Variants in USP37 observed in about 807,000 individuals in gnomAD.
USP37 encodes ubiquitin specific peptidase 37, also known as ubiquitin carboxyl-terminal hydrolase 37.
Under a neutral mutation model 124.0 loss-of-function variants are expected in USP37, and 27 were observed. The ratio of observed to expected loss-of-function variants is 0.22; its 90% CI spans 0.16 to 0.30. The LOEUF (loss-of-function observed/expected upper bound fraction) is 0.30. Ranked by LOEUF, USP37 falls within the 10% of genes least tolerant of loss-of-function variation. The pLI, the probability that USP37 is intolerant of heterozygous loss-of-function variation, is 1.00. For synonymous variants in USP37, 365 were observed against 388.0 expected, an observed-to-expected ratio of 0.94 and a Z score of 0.70; for missense variants, 889 against 1,140.4, an observed-to-expected ratio of 0.78 and a Z score of 3.17.
chr2:218,463,269 T>C (rs1690125656), intron 22 of USP37, 37 bp downstream of exon 22: 1 of 1,585,190 alleles, frequency 6.3e-7, no homozygotes, highest in Non-Finnish European at 8.7e-7. Context: ...ATGGTAATTT[T>C]ACCATTAAAA....
chr2:218,488,272 A>C (rs1691701951), intron 15 of USP37, 32 bp downstream of exon 15: 1 of 1,380,108 alleles, frequency 7.2e-7, no homozygotes. Flanking sequence ...TATAAAATTT[A>C]GTTATGTGAA....
chr2:218,511,775 G>A (rs1281738966), intron 10 of USP37, among the ~76,000 whole-genome samples: 1 of 141,502 alleles, frequency 7.1e-6, no homozygotes, highest in Non-Finnish European at 1.5e-5. Flanking sequence ...TTTTTATACT[G>A]GGAAATTTAT....
At chr2:218,550,575 C>T (rs766552136) in intron 5 of USP37, among the ~76,000 whole-genome samples, 14 of 146,752 alleles carry the variant, frequency 9.5e-5, no homozygotes, top group Middle Eastern at 3.5e-3. Context: ...AATTACTGAG[C>T]GAACATACAA....
At chr2:218,545,742 T>C (rs993586926) in intron 8 of USP37, among the ~76,000 whole-genome samples, 1 of 152,152 alleles carries the variant, frequency 6.6e-6, no homozygotes, top group African/African-American at 2.4e-5. Context: ...CACCCTGGGT[T>C]GATCTATTCC....
intron 1 of USP37, among the ~76,000 whole-genome samples, chr2:218,564,877 C>T (rs1693502213): frequency 1.3e-5 from 2 of 152,146 alleles, no homozygotes; most frequent in Middle Eastern, 3.2e-3. Context: ...TATTTTTCAA[C>T]ACGAATCCTG....
chr2:218,508,843 G>A lies in USP37; in HGVS notation c.1025+1136C>T, dbSNP rs183050824. Among the ~76,000 whole-genome samples, 43 of 152,218 alleles carry A rather than the reference G, an allele frequency of 2.8e-4. No homozygotes were observed. In the East Asian group the frequency reaches 6.4e-3, roughly 23 times the overall value. On this transcript the variant is annotated intron_variant, in intron 11 of 25. Transcript: ENST00000258399. ...ATATATGAAGCATATAAACTACTAC[G>A]GATAAGCCATTTGGCAAATACCACT...
In USP37 at chr2:218,451,973, A is replaced by C. The variant is rs1413263899; in HGVS notation, c.*2957T>G. 6.6e-6 allele frequency: 1 copy of C among 152,644 alleles called. No individual in the cohort carries two copies. Among genetic ancestry groups the C allele is most frequent in the African/African-American group, 2.4e-5 (1 of 41,456 alleles). 9.5% of individuals were successfully genotyped at this position (152,644 alleles called of 1,614,324 possible). On this transcript the variant is annotated 3_prime_UTR_variant, in exon 26 of 26. Transcript: ENST00000258399. ...CTCATGAGTGTGCACACACATGTGA[A>C]TATATCCCTACGAAACAGTCTATCT...
rs772889499 is a variant in USP37 at position 218,560,874 on chromosome 2, T to C, written c.-79A>G. 2.6e-5 allele frequency: 4 copies of C among 152,196 alleles called. No homozygotes were observed. Among genetic ancestry groups the C allele is most frequent in the African/African-American group, 9.7e-5 (4 of 41,446 alleles). 9.4% of individuals were successfully genotyped at this position (152,196 alleles called of 1,614,324 possible). On this transcript the variant is annotated 5_prime_UTR_variant, in exon 3 of 26. Coordinates refer to ENST00000258399, the MANE Select transcript of USP37 (RefSeq NM_020935.3). ...TAGTTGGAGGTCTCTGGTTACTGTATGGCAAATAACTGAAGATAAAAGAAG... is the reference window on the plus strand; with the variant it reads ...TAGTTGGAGGTCTCTGGTTACTGTACGGCAAATAACTGAAGATAAAAGAAG...
At chr2:218,464,345 CT>C (rs1690194535) in intron 21 of USP37, among the ~76,000 whole-genome samples, 1 of 151,722 alleles carries the variant, frequency 6.6e-6, no homozygotes, top group Admixed American at 6.6e-5. Context: ...TCAAGCAATT[CT>C]TGTGCCTCAG....
At chr2:218,566,022 T>G in intron 1 of USP37, among the ~76,000 whole-genome samples, 1 of 152,090 alleles carries the variant, frequency 6.6e-6, no homozygotes, top group East Asian at 1.9e-4. Context: ...GTACTCCAGC[T>G]TAGGCAACAG....
In USP37 at chr2:218,510,007, A is replaced by C. The variant is rs775232818; in HGVS notation, c.997T>G (p.Ser333Ala). The C allele has an allele frequency of 1.9e-6, 3 of 1,588,432 alleles. No homozygotes were observed. Among genetic ancestry groups the C allele is most frequent in the Non-Finnish European group, 8.6e-7 (1 of 1,162,848 alleles). Reference sequence around the variant, plus strand: ...TGCAGTTGCTGCTGTTGGTGAGAGGAAAGGGGCACTCTTGGTTTATTCCAG... The same window carrying C: ...TGCAGTTGCTGCTGTTGGTGAGAGGCAAGGGGCACTCTTGGTTTATTCCAG... ...TGWNKPRVPL[S>A]SHQQQQLQGF... Residue 333 changes from serine to alanine, a missense_variant, in exon 11 of 26, where the codon TCC becomes GCC. Ser to Ala is a moderately conservative substitution (Grantham distance 99, BLOSUM62 1). Coordinates refer to ENST00000258399, the MANE Select transcript of USP37 (RefSeq NM_020935.3).
At chr2:218,490,748 C>G (rs1187892567) in intron 14 of USP37, among the ~76,000 whole-genome samples, 1 of 152,180 alleles carries the variant, frequency 6.6e-6, no homozygotes, top group Non-Finnish European at 1.5e-5. Context: ...GATGAGCTGT[C>G]ACGCCTATGA....
chr2:218,465,521 T>C (rs1011673283), intron 21 of USP37, among the ~76,000 whole-genome samples: 2 of 152,214 alleles, frequency 1.3e-5, no homozygotes, highest in East Asian at 3.8e-4. Context: ...ATTATAGTTA[T>C]GAAAGGTAAC....
At chr2:218,560,605 G>A (rs1012994065) in intron 3 of USP37, among the ~76,000 whole-genome samples, 6 of 152,168 alleles carry the variant, frequency 3.9e-5, no homozygotes, top group African/African-American at 1.4e-4. Context: ...GGGGCTAGCA[G>A]GTGACAGAAA....
chr2:218,481,321 C>T (rs1308091243), intron 17 of USP37, among the ~76,000 whole-genome samples: 1 of 152,176 alleles, frequency 6.6e-6, no homozygotes, highest in Non-Finnish European at 1.5e-5. Context: ...GGGTTTCTCA[C>T]ATCTGCATGT....
At position 218,466,032 on chromosome 2, in the gene USP37, A is replaced by G; in HGVS notation, c.2444T>C (p.Leu815Pro). 2 of 1,611,648 alleles carry G rather than the reference A, an allele frequency of 1.2e-6. No homozygotes were observed. The highest frequency in any genetic ancestry group is 1.7e-6 in the Non-Finnish European group (2 of 1,179,560). Residue 815 changes from leucine (L) to proline (P), a missense_variant, in exon 21 of 26, where the codon CTG (leucine) becomes CCG (proline). Leu to Pro is a moderately conservative substitution (Grantham distance 98). Around this residue, in one of 3 missense-constraint regions of USP37, gnomAD observed 504 missense variants for 714.3 expected, o/e 0.71. Transcript: ENST00000258399. ...EREEQELQQA[L>P]AQSLQEQEAW... ...TACTTGCTCTTGAAGGCTCTGAGCC[A>G]GTGCCTGCTGAAGCTCTTGCTCTTC...
chr2:218,459,226 A>G (rs1405826140), intron 23 of USP37, among the ~76,000 whole-genome samples: 4 of 151,700 alleles, frequency 2.6e-5, no homozygotes, highest in Admixed American at 2.6e-4. Flanking sequence ...CCCGAGATGG[A>G]GTTTCGCTCT....
chr2:218,493,800 T>C (rs1688925799), intron 14 of USP37, among the ~76,000 whole-genome samples: 1 of 152,148 alleles, frequency 6.6e-6, no homozygotes, highest in African/African-American at 2.4e-5. Context: ...CTGGGTTGCC[T>C]GAATGATCCC....
At chr2:218,549,464 CTTTTTT>C (rs35795642) in intron 6 of USP37, among the ~76,000 whole-genome samples, 1 of 118,506 alleles carries the variant, frequency 8.4e-6, no homozygotes, top group African/African-American at 3.3e-5. Context: ...CTATGACTAT[CTTTTTT>C]TTTTTTTTTT....
Sources: gnomAD v4.1 joint callset for allele counts (sites outside exome capture counted in the v4.1 genomes callset) on GRCh38, gnomAD v4.1.1 for gene constraint, gnomAD v4.1.1 regional missense constraint, MANE v1.5 for transcripts, NCBI Gene and HGNC (gene_info 2026-07-23, HGNC 2026-07-21) for gene names.